The following ARGLU1 variants were observed in gnomAD, a reference collection of about 807,000 sequenced individuals.
ARGLU1 encodes arginine and glutamate rich 1.
Under a neutral mutation model 37.6 loss-of-function variants are expected in ARGLU1, and 9 were observed. The observed-to-expected ratio is 0.24, with a 90% confidence interval of 0.14 to 0.42. ARGLU1 has a LOEUF of 0.42. Ranked by LOEUF, ARGLU1 falls within the 10% of genes least tolerant of loss-of-function variation. ARGLU1 has a pLI of 1.00. For synonymous variants in ARGLU1, 166 were observed against 138.5 expected (o/e 1.20, Z -1.39); for missense variants, 211 against 359.2 (o/e 0.59, Z 3.34).
chr13:106,547,587 T>TC (rs1215088884), intron 3 of ARGLU1, among the ~76,000 whole-genome samples: 5 of 152,196 alleles, frequency 3.3e-5, no homozygotes, highest in African/African-American at 1.2e-4. Flanking sequence ...TGGAAAAATC[T>TC]CCAAGTTACA....
Position 106,542,009 on chromosome 13 carries a change from A to T in ARGLU1, c.*1987T>A, listed in dbSNP as rs1237978561. 1 of 152,186 alleles carries T rather than the reference A, an allele frequency of 6.6e-6. No homozygotes were observed. The highest frequency in any genetic ancestry group is 1.5e-5 in the Non-Finnish European group (1 of 68,024). 9.4% of individuals were successfully genotyped at this position (152,186 alleles called of 1,614,324 possible). ...TTCCCATAGCCTGGCAGAGGAAAGTAGTTACCAAGCACAGGAACAATTTCA... is the reference window on the plus strand; with the variant it reads ...TTCCCATAGCCTGGCAGAGGAAAGTTGTTACCAAGCACAGGAACAATTTCA... On this transcript the variant is annotated 3_prime_UTR_variant, in exon 4 of 4. Coordinates refer to ENST00000400198, the MANE Select transcript of ARGLU1 (RefSeq NM_018011.4).
intron 3 of ARGLU1, among the ~76,000 whole-genome samples, chr13:106,555,659 A>T (rs1263728165): frequency 6.6e-6 from 1 of 152,226 alleles, no homozygotes; most frequent in Non-Finnish European, 1.5e-5. Context: ...TATGACTACC[A>T]ATATTTTTTC....
Position 106,557,020 on chromosome 13 carries a change from A to G in ARGLU1, c.657+28T>C, listed in dbSNP as rs756885420. The G allele has an allele frequency of 2.5e-6, 4 of 1,585,010 alleles. No individual in the cohort carries two copies. In the Admixed American group the frequency reaches 6.7e-5, roughly 27 times the overall value. ...AAAAGGAAATAAAGCAAAATACAAA[A>G]CACTTTTCATGTATGCTTTACACTT... On this transcript the variant is annotated intron_variant, in intron 3 of 3. Coordinates refer to ENST00000400198, the MANE Select transcript of ARGLU1 (RefSeq NM_018011.4). The surrounding 1 kb of genome is among the most constrained non-coding windows in gnomAD (Gnocchi z 5.0).
chr13:106,564,488 T>G (rs1880904280), intron 1 of ARGLU1, among the ~76,000 whole-genome samples: 2 of 152,188 alleles, frequency 1.3e-5, no homozygotes, highest in African/African-American at 2.4e-5. Context: ...ACCCAATGGT[T>G]GATTCTTATT....
At chr13:106,554,747 T>C (rs1206734496) in intron 3 of ARGLU1, among the ~76,000 whole-genome samples, 1 of 151,800 alleles carries the variant, frequency 6.6e-6, no homozygotes, top group Admixed American at 6.6e-5. Flanking sequence ...TAGCCAGGTG[T>C]GGTGGTGGGC....
chr13:106,553,073 C>CT (rs1237218942), intron 3 of ARGLU1, among the ~76,000 whole-genome samples: 1 of 152,068 alleles, frequency 6.6e-6, no homozygotes, highest in Non-Finnish European at 1.5e-5. Context: ...AAAAGTATGA[C>CT]TTTAACTTCT....
chr13:106,561,366 C>T (rs1880795121), intron 1 of ARGLU1, among the ~76,000 whole-genome samples: 1 of 150,452 alleles, frequency 6.6e-6, no homozygotes. Flanking sequence ...TAATGAGTAC[C>T]CAAGAATAAT....
At chr13:106,561,803 G>A (rs1238119649) in intron 1 of ARGLU1, 1 of 152,180 alleles carries the variant, frequency 6.6e-6, no homozygotes, top group African/African-American at 2.4e-5. Flanking sequence ...GGTCAGTAAG[G>A]AGAAAATGAG....
chr13:106,553,992 C>A (rs562360584), intron 3 of ARGLU1, among the ~76,000 whole-genome samples: 1 of 152,268 alleles, frequency 6.6e-6, no homozygotes, highest in African/African-American at 2.4e-5. Context: ...CCCCAAAGGC[C>A]TTTGCCCTGT....
chr13:106,557,705 C>T lies in ARGLU1; in HGVS notation c.574-574G>A. Reference sequence around the variant, plus strand: ...GAAACAACATACAAGGAAGGCTGAGCTGAGGAATGCAGATGTTTATGGTAA... The same window carrying T: ...GAAACAACATACAAGGAAGGCTGAGTTGAGGAATGCAGATGTTTATGGTAA... On this transcript the variant is annotated intron_variant, in intron 2 of 3. Coordinates refer to ENST00000400198, the MANE Select transcript of ARGLU1 (RefSeq NM_018011.4). The surrounding 1 kb of genome is among the most constrained non-coding windows in gnomAD (Gnocchi z 5.0). 6.7e-7 allele frequency: 1 copy of T among 1,503,640 alleles called. No individual in the cohort carries two copies. Among genetic ancestry groups the T allele is most frequent in the Non-Finnish European group, 8.9e-7 (1 of 1,119,730 alleles). The allele number at this position is 1,503,640 out of a possible 1,614,324, so 93.1% of individuals were successfully genotyped here.
chr13:106,558,133 T>G, intron 2 of ARGLU1: 1 of 984,342 alleles, frequency 1.0e-6, no homozygotes, highest in Non-Finnish European at 1.2e-6. Flanking sequence ...AAAAAAAAAT[T>G]GTTAATATGA....
At chr13:106,565,151 A>G (rs958412971) in intron 1 of ARGLU1, among the ~76,000 whole-genome samples, 10 of 152,238 alleles carry the variant, frequency 6.6e-5, no homozygotes, top group African/African-American at 2.2e-4. Context: ...TCCCGTTTCT[A>G]GGATGCAATC....
rs1880599601 is a variant in ARGLU1 at position 106,554,100 on chromosome 13, G to C, written c.657+2948C>G. Among the ~76,000 whole-genome samples the C allele has an allele frequency of 2.6e-5, 4 of 152,266 alleles. No homozygotes were observed. The South Asian group carries it at 8.3e-4, about 32-fold the overall frequency. ...TACCTCTTCTAGGAAGGTTTCCGAG[G>C]CCACCCAGGGCAACTATGTCATTAT... On this transcript the variant is annotated intron_variant, in intron 3 of 3. Transcript: ENST00000400198.
intron 3 of ARGLU1, 21 bp from the exon 4 acceptor site, chr13:106,544,181 T>C: frequency 6.6e-7 from 1 of 1,525,682 alleles, no homozygotes. Context: ...AAAGTAAAAA[T>C]TAATTATAGA....
In ARGLU1 at chr13:106,542,207, T is replaced by C. The variant is rs1488901005; in HGVS notation, c.*1789A>G. On this transcript the variant is annotated 3_prime_UTR_variant, in exon 4 of 4. Transcript: ENST00000400198. Reference sequence around the variant, plus strand: ...GGCTACTCTCTTTAGATACAATGTTTTGAACACTTGTATAGAACAGTTTTT... The same window carrying C: ...GGCTACTCTCTTTAGATACAATGTTCTGAACACTTGTATAGAACAGTTTTT... 2 of 152,138 alleles carry C rather than the reference T, an allele frequency of 1.3e-5. No homozygotes were observed. The highest frequency in any genetic ancestry group is 4.8e-5 in the African/African-American group (2 of 41,440). The allele number at this position is 152,138 out of a possible 1,614,324, so 9.4% of individuals were successfully genotyped here. A position where few individuals can be genotyped will look rare whatever the true frequency, so the allele number is the denominator to read the frequency against.
intron 1 of ARGLU1, among the ~76,000 whole-genome samples, chr13:106,565,543 T>C (rs1880939063): frequency 6.6e-6 from 1 of 152,228 alleles, no homozygotes; most frequent in Non-Finnish European, 1.5e-5. Context: ...TAACAGTACC[T>C]AGCACAGTGC....
Position 106,567,599 on chromosome 13 carries a change from T to C in ARGLU1, c.321A>G (p.Lys107=), listed in dbSNP as rs753085381. Residue 107 remains lysine, a synonymous_variant, in exon 1 of 4, where the codon AAA becomes AAG. Transcript: ENST00000400198. The surrounding 1 kb of genome is among the most constrained non-coding windows in gnomAD (Gnocchi z 4.3). The part of the protein sequence containing the change: ...EKQKREEEEK[K]AEFERQRKIR... The stretch of plus-strand genomic sequence containing the variant: ...TTTTTCGCTGCCGCTCGAACTCCGC[T>C]TTCTTCTCCTCCTCCTCTCGCTTCT... The C allele has an allele frequency of 6.2e-7, 1 of 1,612,924 alleles. No individual in the cohort carries two copies. The highest frequency in any genetic ancestry group is 8.5e-7 in the Non-Finnish European group (1 of 1,179,324).
intron 3 of ARGLU1, among the ~76,000 whole-genome samples, chr13:106,555,442 T>C (rs945026083): frequency 1.1e-4 from 17 of 152,194 alleles, no homozygotes; most frequent in Non-Finnish European, 1.6e-4. Context: ...ATGTAAAGCA[T>C]GGCCCACAGA....
At chr13:106,544,704 C>CA (rs983289736) in intron 3 of ARGLU1, among the ~76,000 whole-genome samples, 19 of 151,894 alleles carry the variant, frequency 1.3e-4, no homozygotes, top group African/African-American at 3.9e-4. Flanking sequence ...TACACACACA[C>CA]AAAAAAACAG....
Sources: allele counts gnomAD v4.1 joint callset (sites outside exome capture counted in the v4.1 genomes callset), GRCh38; gene constraint gnomAD v4.1.1; non-coding constraint Gnocchi (gnomAD v3.1); transcripts MANE v1.5; gene names NCBI Gene and HGNC (gene_info 2026-07-23, HGNC 2026-07-21).